Variants in ITGA9 observed in about 807,000 individuals in gnomAD.
ITGA9 encodes the protein integrin subunit alpha 9, also known as integrin alpha-9.
In ITGA9, 56 loss-of-function variants were observed where a neutral mutation model predicts 127.8. That is an observed-to-expected ratio of 0.44 (90% CI 0.35 to 0.55). ITGA9 has a LOEUF of 0.55. Among genes scored for constraint, ITGA9 ranks in the 20% least tolerant of loss-of-function variants. ITGA9 has a pLI of 0.00. For synonymous variants in ITGA9, 508 were observed against 514.5 expected, an observed-to-expected ratio of 0.99 and a Z score of 0.17; for missense variants, 1,196 against 1,347.1, an observed-to-expected ratio of 0.89 and a Z score of 1.76.
At chr3:37,754,346 T>G (rs1696625192) in intron 23 of ITGA9, among the ~76,000 whole-genome samples, 1 of 152,208 alleles carries the variant, frequency 6.6e-6, no homozygotes, top group Non-Finnish European at 1.5e-5. Context: ...GCTTTGGGAT[T>G]TGGCTCTTGT....
intron 15 of ITGA9, among the ~76,000 whole-genome samples, chr3:37,578,293 C>T (rs754622015): frequency 2.0e-5 from 3 of 152,142 alleles, no homozygotes; most frequent in Admixed American, 6.5e-5. Flanking sequence ...TTTGGATGAG[C>T]TCATTTCATA....
intron 27 of ITGA9, 93 bp downstream of exon 27, chr3:37,804,035 G>T: frequency 6.3e-7 from 1 of 1,583,354 alleles, no homozygotes; most frequent in African/African-American, 1.3e-5. Context: ...TCCTGTTAGA[G>T]CTTCCTTCAT....
rs1026352152 is a variant in ITGA9 at position 37,683,884 on chromosome 3, T to C, written c.1936T>C (p.Tyr646His). The C allele has an allele frequency of 5.0e-6, 8 of 1,614,128 alleles. No homozygotes were observed. In the Admixed American group the frequency reaches 5.0e-5, roughly 10 times the overall value. ...TTACAGTATGGATGAGAAAACCCTG[T>C]ATCTAGCTTTGGGGGCTGTGAAGAA... ...LLSSMDEKTLYLALGAVKNIS... is the reference protein window; with the variant it reads ...LLSSMDEKTLHLALGAVKNIS... Residue 646 changes from tyrosine to histidine, a missense_variant, in exon 18 of 28, where the codon TAT becomes CAT. Coordinates refer to ENST00000264741, the MANE Select transcript of ITGA9 (RefSeq NM_002207.3).
rs1700202573 is a variant in ITGA9 at position 37,628,945 on chromosome 3, A to G, written c.1690-242A>G. Reference sequence around the variant, plus strand: ...TATGCTCAAGAGAAGATGATTTAGCACCATGCAAGGTAGAGAAGGAGAGCC... The same window carrying G: ...TATGCTCAAGAGAAGATGATTTAGCGCCATGCAAGGTAGAGAAGGAGAGCC... On this transcript the variant is annotated intron_variant, in intron 15 of 27. Transcript: ENST00000264741. 3.3e-5 allele frequency among the ~76,000 whole-genome samples: 5 copies of G among 152,200 alleles called. No individual in the cohort carries two copies. In the South Asian group the frequency reaches 1.0e-3, roughly 32 times the overall value.
chr3:37,569,509 G>A (rs1559539069), intron 15 of ITGA9, among the ~76,000 whole-genome samples: 1 of 152,170 alleles, frequency 6.6e-6, no homozygotes, highest in Non-Finnish European at 1.5e-5. Flanking sequence ...GATAAACCTT[G>A]GTATGAAAGA....
At chr3:37,637,113 C>A (rs935295211) in intron 16 of ITGA9, among the ~76,000 whole-genome samples, 2 of 152,052 alleles carry the variant, frequency 1.3e-5, no homozygotes, top group African/African-American at 4.8e-5. Context: ...CTTGGCGATG[C>A]GGGCTCTTTT....
At chr3:37,789,270 G>C (rs991689915) in intron 26 of ITGA9, among the ~76,000 whole-genome samples, 1 of 152,104 alleles carries the variant, frequency 6.6e-6, no homozygotes, top group Non-Finnish European at 1.5e-5. Context: ...ATTTCCCAAG[G>C]GGTCATCTGA....
chr3:37,476,148 A>T (rs764723130), intron 3 of ITGA9, among the ~76,000 whole-genome samples: 12 of 152,224 alleles, frequency 7.9e-5, no homozygotes, highest in Non-Finnish European at 1.8e-4. Context: ...ATGCTGCTAT[A>T]AATGTGTACC....
chr3:37,698,659 C>T (rs943840296), intron 18 of ITGA9, among the ~76,000 whole-genome samples: 6 of 152,172 alleles, frequency 3.9e-5, no homozygotes, highest in Non-Finnish European at 8.8e-5. Context: ...TACCAGTTTT[C>T]GTGTGCATGT....
At chr3:37,748,580 T>G in intron 22 of ITGA9, 1 of 459,062 alleles carries the variant, frequency 2.2e-6, no homozygotes, top group Non-Finnish European at 3.9e-6. Context: ...AAATCCCGTC[T>G]CTACTAAAAT....
At chr3:37,535,399 C>T (rs1268466049) in intron 14 of ITGA9, among the ~76,000 whole-genome samples, 2 of 152,182 alleles carry the variant, frequency 1.3e-5, no homozygotes, top group African/African-American at 2.4e-5. Flanking sequence ...ATGAGCTGAG[C>T]GCAGAGGAGA....
At chr3:37,530,161 A>G (rs1036354749) in intron 13 of ITGA9, among the ~76,000 whole-genome samples, 1 of 152,220 alleles carries the variant, frequency 6.6e-6, no homozygotes, top group Non-Finnish European at 1.5e-5. Context: ...AGGGGCCAGC[A>G]GGCTGGATGT....
At chr3:37,509,507 T>C (rs942197006) in intron 8 of ITGA9, among the ~76,000 whole-genome samples, 21 of 152,094 alleles carry the variant, frequency 1.4e-4, no homozygotes, top group Non-Finnish European at 7.3e-5. Context: ...GGAGGCCATG[T>C]GCCTCCTCAA....
At chr3:37,782,484 G>C (rs1004981693) in intron 25 of ITGA9, among the ~76,000 whole-genome samples, 6 of 152,250 alleles carry the variant, frequency 3.9e-5, no homozygotes, top group Non-Finnish European at 7.3e-5. Flanking sequence ...GAAAGCTGTA[G>C]GGTGTCATAT....
intron 21 of ITGA9, among the ~76,000 whole-genome samples, chr3:37,743,706 A>G (rs1385026447): frequency 2.0e-5 from 3 of 152,206 alleles, no homozygotes; most frequent in Non-Finnish European, 2.9e-5. Context: ...CCCAGTGCAT[A>G]TTTCTCCATG....
At chr3:37,746,356 A>T (rs1320475865) in intron 22 of ITGA9, among the ~76,000 whole-genome samples, 2 of 152,194 alleles carry the variant, frequency 1.3e-5, no homozygotes, top group South Asian at 4.1e-4. Context: ...TGCTTTTTAC[A>T]TTTCATCATA....
chr3:37,609,897 G>A (rs1252529130), intron 15 of ITGA9, among the ~76,000 whole-genome samples: 1 of 152,242 alleles, frequency 6.6e-6, no homozygotes, highest in Non-Finnish European at 1.5e-5. Flanking sequence ...CATTTGATGG[G>A]AGAATTAGCC....
chr3:37,456,364 A>G (rs1698257748), intron 1 of ITGA9, among the ~76,000 whole-genome samples: 1 of 152,296 alleles, frequency 6.6e-6, no homozygotes, highest in East Asian at 1.9e-4. Context: ...TTGAACAACA[A>G]CAGTAAGTGC....
At chr3:37,572,707 C>A (rs1158779212) in intron 15 of ITGA9, among the ~76,000 whole-genome samples, 4 of 152,194 alleles carry the variant, frequency 2.6e-5, no homozygotes. Context: ...GGACTACAAT[C>A]CTTAGTTTCC....
Sources: allele counts gnomAD v4.1 joint callset (sites outside exome capture counted in the v4.1 genomes callset), GRCh38; gene constraint gnomAD v4.1.1; transcripts MANE v1.5; gene names NCBI Gene and HGNC (gene_info 2026-07-23, HGNC 2026-07-21).